The following GNG12 variants were observed in gnomAD, a reference collection of about 807,000 sequenced individuals.
The protein encoded by GNG12 is guanine nucleotide-binding protein G(I)/G(S)/G(O) subunit gamma-12.
For missense variants in GNG12, 69 were observed against 83.8 expected (o/e 0.82, Z 0.69); for synonymous variants, 28 against 29.7 (o/e 0.94, Z 0.19).
chr1:67,745,494 C>T (rs1026977349), intron 2 of GNG12, among the ~76,000 whole-genome samples: 1 of 152,206 alleles, frequency 6.6e-6, no homozygotes, highest in African/African-American at 2.4e-5. Flanking sequence ...CATCCAAGCC[C>T]CACAGGGTCT....
At chr1:67,817,844 T>C (rs1433183663) in intron 1 of GNG12, among the ~76,000 whole-genome samples, 1 of 146,208 alleles carries the variant, frequency 6.8e-6, no homozygotes, top group Non-Finnish European at 1.5e-5. Flanking sequence ...TGGAGTGCAG[T>C]GGTGCAATCA....
chr1:67,769,344 A>G (rs1388222429), intron 2 of GNG12, among the ~76,000 whole-genome samples: 1 of 152,172 alleles, frequency 6.6e-6, no homozygotes, highest in East Asian at 1.9e-4. Context: ...CTGAGTTCAC[A>G]GTGCTGGCGC....
At position 67,814,645 on chromosome 1, in the gene GNG12, G is replaced by C. The variant is rs192235347; in HGVS notation, c.-77+18699C>G. ...TGTCCTCTTGTAGATTCTGATTCTC[G>C]AGCTTTACAATGCTTTATATGCTTT... On this transcript the variant is annotated intron_variant, in intron 1 of 3. Coordinates refer to ENST00000370982, the MANE Select transcript of GNG12 (RefSeq NM_018841.6). Among the ~76,000 whole-genome samples the C allele has an allele frequency of 2.0e-4, 31 of 152,214 alleles. No homozygotes were observed. In the East Asian group the frequency reaches 4.8e-3, roughly 24 times the overall value.
At position 67,719,360 on chromosome 1, in the gene GNG12, G is replaced by GTC. The variant is rs1301144170; in HGVS notation, c.-26-11649_-26-11648insGA. On this transcript the variant is annotated intron_variant, in intron 2 of 3. Coordinates refer to ENST00000370982, the MANE Select transcript of GNG12 (RefSeq NM_018841.6). ...CCTGCTACATGCTTACATCTTATGG[G>GTC]TTCAAGGATTCCTGAGGGTGGGTCA... is the stretch of plus-strand genomic sequence containing the variant. Among the ~76,000 whole-genome samples, 89 of 152,268 alleles carry GTC rather than the reference G, an allele frequency of 5.8e-4. 1 individual carries two copies. In the South Asian group the frequency reaches 0.018, roughly 30 times the overall value.
At chr1:67,761,933 C>G (rs1390428467) in intron 2 of GNG12, among the ~76,000 whole-genome samples, 2 of 152,148 alleles carry the variant, frequency 1.3e-5, no homozygotes, top group African/African-American at 2.4e-5. Flanking sequence ...TGCAGTCAGA[C>G]CACTCTCTCC....
chr1:67,798,566 C>T (rs1285959618), intron 1 of GNG12, among the ~76,000 whole-genome samples: 2 of 152,060 alleles, frequency 1.3e-5, no homozygotes, highest in Non-Finnish European at 2.9e-5. Context: ...CCCGAGACAG[C>T]GAGACAAACC....
intron 1 of GNG12, among the ~76,000 whole-genome samples, chr1:67,806,016 G>T (rs1005489880): frequency 6.6e-6 from 1 of 151,310 alleles, no homozygotes; most frequent in Non-Finnish European, 1.5e-5. Flanking sequence ...GAAAAAAAAC[G>T]AACCTAGAAT....
At chr1:67,706,856 C>T (rs952123480) in intron 3 of GNG12, among the ~76,000 whole-genome samples, 13 of 152,010 alleles carry the variant, frequency 8.6e-5, no homozygotes, top group Non-Finnish European at 1.5e-4. Context: ...ACAGGGGTTT[C>T]TCCATGTTGG....
chr1:67,790,626 T>TC (rs1646796982), intron 1 of GNG12, among the ~76,000 whole-genome samples: 1 of 150,976 alleles, frequency 6.6e-6, no homozygotes, highest in African/African-American at 2.5e-5. Flanking sequence ...TTTTTTTTTT[T>TC]TGAGATGGAA....
intron 2 of GNG12, among the ~76,000 whole-genome samples, chr1:67,722,732 G>A (rs941281621): frequency 6.6e-6 from 1 of 152,148 alleles, no homozygotes; most frequent in Non-Finnish European, 1.5e-5. Context: ...CAGGCATAAG[G>A]GAACACTGTG....
chr1:67,760,171 C>T (rs558369564), intron 2 of GNG12, among the ~76,000 whole-genome samples: 1 of 152,214 alleles, frequency 6.6e-6, no homozygotes, highest in South Asian at 2.1e-4. Context: ...AAACCAAGGC[C>T]CTGTGACGTT....
At chr1:67,830,745 G>C (rs796407642) in intron 1 of GNG12, among the ~76,000 whole-genome samples, 1 of 152,132 alleles carries the variant, frequency 6.6e-6, no homozygotes, top group Non-Finnish European at 1.5e-5. Flanking sequence ...TCATATTGCT[G>C]TGGTAGAAAC....
At chr1:67,817,958 T>C (rs1044006814) in intron 1 of GNG12, among the ~76,000 whole-genome samples, 14 of 151,968 alleles carry the variant, frequency 9.2e-5, no homozygotes, top group Non-Finnish European at 1.8e-4. Flanking sequence ...AGCTAATTTT[T>C]AAAATTTTTG....
At chr1:67,804,832 A>G (rs548260325) in intron 1 of GNG12, among the ~76,000 whole-genome samples, 222 of 152,164 alleles carry the variant, frequency 1.5e-3, no homozygotes, top group Non-Finnish European at 2.5e-3. Flanking sequence ...GAATCTAGTA[A>G]TGGGGGAAGG....
chr1:67,706,045 A>G (rs1381474271), intron 3 of GNG12, among the ~76,000 whole-genome samples: 1 of 152,192 alleles, frequency 6.6e-6, no homozygotes, highest in Non-Finnish European at 1.5e-5. Context: ...AAGACATTAT[A>G]TATGTTTTGT....
intron 1 of GNG12, among the ~76,000 whole-genome samples, chr1:67,824,040 G>GTA (rs1646997856): frequency 6.6e-6 from 1 of 152,100 alleles, no homozygotes; most frequent in African/African-American, 2.4e-5. Context: ...GTAAAGAAGA[G>GTA]TATATACACC....
chr1:67,807,635 C>G (rs1484791516), intron 1 of GNG12, among the ~76,000 whole-genome samples: 1 of 151,642 alleles, frequency 6.6e-6, no homozygotes, highest in Non-Finnish European at 1.5e-5. Context: ...GGAGGGGACA[C>G]TACTACAGAT....
intron 2 of GNG12, among the ~76,000 whole-genome samples, chr1:67,738,135 T>C (rs1044748807): frequency 6.6e-6 from 1 of 152,056 alleles, no homozygotes; most frequent in South Asian, 2.1e-4. Context: ...TGGGGTTTCG[T>C]CATGTTGCCC....
intron 1 of GNG12, among the ~76,000 whole-genome samples, chr1:67,783,002 C>G (rs963929850): frequency 6.6e-5 from 10 of 152,090 alleles, no homozygotes; most frequent in African/African-American, 2.4e-4. Flanking sequence ...GATGCAAGTC[C>G]TTGAACAATT....
Sources: allele counts gnomAD v4.1 joint callset (sites outside exome capture counted in the v4.1 genomes callset), GRCh38; gene constraint gnomAD v4.1.1; transcripts MANE v1.5; gene names NCBI Gene and HGNC (gene_info 2026-07-23, HGNC 2026-07-21).